The following ITGB7 variants were observed in gnomAD, a reference collection of about 807,000 sequenced individuals.
ITGB7 encodes the protein integrin subunit beta 7, also known as integrin beta-7.
Under a neutral mutation model 83.4 loss-of-function variants are expected in ITGB7, and 55 were observed. The ratio of observed to expected loss-of-function variants is 0.66; its 90% CI spans 0.53 to 0.83. The LOEUF is 0.83. ITGB7 is among the 40% of genes least tolerant of loss of function. The probability of loss-of-function intolerance (pLI) is 0.00; values close to 1 mark genes in which losing one functional copy is unlikely to be tolerated. For missense variants in ITGB7, 921 were observed against 1,046.7 expected, an observed-to-expected ratio of 0.88 and a Z score of 1.66; for synonymous variants, 454 against 423.6, an observed-to-expected ratio of 1.07 and a Z score of -0.88.
At chr12:53,195,214 A>G in intron 9 of ITGB7, 160 bp downstream of exon 9, 1 of 618,280 alleles carries the variant, frequency 1.6e-6, no homozygotes, top group Middle Eastern at 4.4e-4. Context: ...TGTAAGATTG[A>G]ACAGTTAATG....
chr12:53,195,673 T>A lies in ITGB7; in HGVS notation c.1024A>T (p.Ile342Phe). ...QVAQALSAAN[I>F]QPIFAVTSAA... ...CTGGTGACAGCAAAGATGGGCTGGA[T>A]ATTTGCTGCAGAGAGGGCCTGGGCT... The change falls in exon 8 of 16, where the codon ATC (isoleucine) becomes TTC (phenylalanine). Residue 342 changes from isoleucine (I) to phenylalanine (F), a missense_variant. By Grantham distance (21) the Ile-to-Phe change is conservative. Transcript: ENST00000267082. The A allele has an allele frequency of 6.2e-7, 1 of 1,614,054 alleles. No individual in the cohort carries two copies. Among genetic ancestry groups the A allele is most frequent in the Non-Finnish European group, 8.5e-7 (1 of 1,179,980 alleles).
chr12:53,191,775 TG>T (rs774071083), intron 15 of ITGB7, 83 bp downstream of exon 15: 3 of 1,583,584 alleles, frequency 1.9e-6, no homozygotes, highest in Non-Finnish European at 2.6e-6. Flanking sequence ...TGCCAGGGGC[TG>T]GGGGAACCCA....
rs1942149637 is a variant in ITGB7, at chr12:53,196,050, G to T, written c.966C>A (p.Ser322Arg). The T allele has an allele frequency of 1.2e-6, 2 of 1,613,948 alleles. No individual in the cohort carries two copies. The highest frequency in any genetic ancestry group is 1.7e-5 in the Admixed American group (1 of 59,998). ...GACAATAGGGACTCACAAACTCTGTGCTGCGACTGTAGAGGCCATTGCTGT... is the reference window on the plus strand; with the variant it reads ...GACAATAGGGACTCACAAACTCTGTTCTGCGACTGTAGAGGCCATTGCTGT... ...HLDSNGLYSRSTEFDYPSVGQ... is the reference protein window; with the variant it reads ...HLDSNGLYSRRTEFDYPSVGQ... Residue 322 changes from serine to arginine, a missense_variant, in exon 7 of 16, where the codon AGC becomes AGA. Physicochemically the swap from Ser to Arg is moderately radical, Grantham distance 110. Coordinates refer to ENST00000267082, the MANE Select transcript of ITGB7 (RefSeq NM_000889.3).
chr12:53,197,606 A>G lies in ITGB7; in HGVS notation c.461T>C (p.Leu154Pro). Reference protein sequence around the residue: ...FLRAEGYPVDLYYLMDLSYSM... With the variant: ...FLRAEGYPVDPYYLMDLSYSM... ...GTAGCTCAGGTCCATAAGGTAGTAC[A>G]GGTCCACCGGGTATCCCTCAGCACG... Residue 154 changes from leucine (L) to proline (P), a missense_variant, in exon 5 of 16, where the codon CTG (leucine) becomes CCG (proline). Transcript: ENST00000267082. 1 of 1,614,130 alleles carries G rather than the reference A, an allele frequency of 6.2e-7. No homozygotes were observed. The highest frequency in any genetic ancestry group is 1.3e-5 in the African/African-American group (1 of 75,048).
intron 5 of ITGB7, chr12:53,197,054 G>A (rs918273285): frequency 2.4e-5 from 14 of 579,230 alleles, no homozygotes; most frequent in African/African-American, 1.7e-4. Context: ...GGAACTTCCA[G>A]AAGGCGGAAG....
Position 53,197,587 on chromosome 12 carries a change from C to G in ITGB7, c.480G>C (p.Leu160=). Reference sequence around the variant, plus strand: ...CCAGGTCGTCCTTCATGGAGTAGCTCAGGTCCATAAGGTAGTACAGGTCCA... The same window carrying G: ...CCAGGTCGTCCTTCATGGAGTAGCTGAGGTCCATAAGGTAGTACAGGTCCA... The part of the protein sequence containing the change: ...YPVDLYYLMD[L]SYSMKDDLER... Residue 160 remains leucine, a synonymous_variant, in exon 5 of 16, where the codon CTG becomes CTC. Coordinates refer to ENST00000267082, the MANE Select transcript of ITGB7 (RefSeq NM_000889.3). The G allele has an allele frequency of 6.2e-7, 1 of 1,614,186 alleles. No homozygotes were observed. Among genetic ancestry groups the G allele is most frequent in the Non-Finnish European group, 8.5e-7 (1 of 1,180,000 alleles).
Position 53,194,070 on chromosome 12 carries a change from G to A in ITGB7, c.1308+128C>T, listed in dbSNP as rs952302236. On this transcript the variant is annotated intron_variant, in intron 10 of 15. Transcript: ENST00000267082. ...AAGCCACTCAGACTGCTCCAGGAAGGATGGATGGAGGACTACCTCAGGCTC... is the reference window on the plus strand; with the variant it reads ...AAGCCACTCAGACTGCTCCAGGAAGAATGGATGGAGGACTACCTCAGGCTC... 2.7e-5 allele frequency: 39 copies of A among 1,420,278 alleles called. No individual in the cohort carries two copies. In the Admixed American group the frequency reaches 3.8e-4, roughly 14 times the overall value. The allele number at this position is 1,420,278 out of a possible 1,614,324, so 88.0% of individuals were successfully genotyped here. A position where few individuals can be genotyped will look rare whatever the true frequency, so the allele number is the denominator to read the frequency against.
chr12:53,194,743 A>G (rs144843935), intron 9 of ITGB7: 191 of 189,414 alleles, frequency 1.0e-3, no homozygotes, highest in African/African-American at 4.1e-3. Flanking sequence ...TTTTCTTGCC[A>G]TAGGTTTAGG....
chr12:53,195,681 G>T lies in ITGB7; in HGVS notation c.1016C>A (p.Ala339Glu). The T allele has an allele frequency of 6.2e-7, 1 of 1,614,102 alleles. No homozygotes were observed. Among genetic ancestry groups the T allele is most frequent in the South Asian group, 1.1e-5 (1 of 91,084 alleles). Reference protein sequence around the residue: ...SVGQVAQALSAANIQPIFAVT... With the variant: ...SVGQVAQALSEANIQPIFAVT... ...AGCAAAGATGGGCTGGATATTTGCT[G>T]CAGAGAGGGCCTGGGCTACCTGACC... is the stretch of plus-strand genomic sequence containing the variant. Residue 339 changes from alanine (A) to glutamate (E), a missense_variant, in exon 8 of 16, where the codon GCA becomes GAA. Transcript: ENST00000267082.
Position 53,191,393 on chromosome 12 carries a change from G to C in ITGB7, c.*163C>G. 3.1e-6 allele frequency: 2 copies of C among 650,146 alleles called. No individual in the cohort carries two copies. Among genetic ancestry groups the C allele is most frequent in the Non-Finnish European group, 5.6e-6 (2 of 359,620 alleles). 40.3% of individuals were successfully genotyped at this position (650,146 alleles called of 1,614,324 possible). ...GGATGCAAGGTTGCAGGCATGGGAA[G>C]CAGCCCTCTTGGGTGTCACTCTGAA... On this transcript the variant is annotated 3_prime_UTR_variant, in exon 16 of 16. Transcript: ENST00000267082.
At chr12:53,196,901 T>G in intron 5 of ITGB7, 81 bp from the exon 6 acceptor site, 1 of 1,502,546 alleles carries the variant, frequency 6.7e-7, no homozygotes, top group South Asian at 1.3e-5. Flanking sequence ...CTATGGGAAG[T>G]GGGGTGGGGA....
At chr12:53,206,069 C>T (rs1942436991) in intron 1 of ITGB7, among the ~76,000 whole-genome samples, 1 of 152,208 alleles carries the variant, frequency 6.6e-6, no homozygotes, top group Non-Finnish European at 1.5e-5. Context: ...CTCATCTCCC[C>T]TTAAAGGGGG....
In ITGB7 at chr12:53,197,609, T is replaced by G; in HGVS notation, c.458A>C (p.Asp153Ala). ...GCTCAGGTCCATAAGGTAGTACAGG[T>G]CCACCGGGTATCCCTCAGCACGAAG... ...RFLRAEGYPV[D>A]LYYLMDLSYS... Residue 153 changes from aspartate to alanine, a missense_variant, in exon 5 of 16, where the codon GAC becomes GCC. Physicochemically the swap from Asp to Ala is moderately radical, Grantham distance 126. Coordinates refer to ENST00000267082, the MANE Select transcript of ITGB7 (RefSeq NM_000889.3). The G allele has an allele frequency of 6.2e-7, 1 of 1,614,044 alleles. No homozygotes were observed. The highest frequency in any genetic ancestry group is 8.5e-7 in the Non-Finnish European group (1 of 1,179,960).
Position 53,193,341 on chromosome 12 carries a change from G to C in ITGB7, c.1525C>G (p.Arg509Gly). 1 of 1,590,608 alleles carries C rather than the reference G, an allele frequency of 6.3e-7. No homozygotes were observed. Among genetic ancestry groups the C allele is most frequent in the Non-Finnish European group, 8.6e-7 (1 of 1,165,184 alleles). ...TCTGCCACAGAGCACTCACAGAGCC[G>C]ACCTAGGCGGCCAGGGGCACAGCTG... ...VCSCAPGRLG[R>G]LCECSVAELS... The change falls in exon 12 of 16, where the codon CGG (arginine) becomes GGG (glycine). Residue 509 changes from arginine to glycine, a missense_variant. By Grantham distance (125) the Arg-to-Gly change is moderately radical (BLOSUM62 -2). Coordinates refer to ENST00000267082, the MANE Select transcript of ITGB7 (RefSeq NM_000889.3).
intron 5 of ITGB7, 156 bp from the exon 6 acceptor site, chr12:53,196,976 A>G (rs1942183371): frequency 1.3e-6 from 1 of 770,084 alleles, no homozygotes; most frequent in Non-Finnish European, 2.1e-6. Context: ...CAAAGCAGTG[A>G]GACCACTGGC....
rs574510363 is a variant in ITGB7, at chr12:53,197,471, CG to C, written c.574+21del. The C allele has an allele frequency of 2.3e-4, 364 of 1,613,844 alleles. 3 individuals are homozygous for C. The South Asian group carries it at 3.2e-3, about 14-fold the overall frequency. ...GTTGAATAGGCAAGGGCTAACAGGG[CG>C]GGAGGCAGCGCTCGGCTCACCAATG... is the stretch of plus-strand genomic sequence containing the variant. On this transcript the variant is annotated intron_variant, in intron 5 of 15. Coordinates refer to ENST00000267082, the MANE Select transcript of ITGB7 (RefSeq NM_000889.3).
intron 12 of ITGB7, 52 bp downstream of exon 12, chr12:53,193,088 T>C: frequency 6.6e-7 from 1 of 1,504,582 alleles, no homozygotes; most frequent in Non-Finnish European, 9.1e-7. Context: ...AGAGCCTAAG[T>C]GCCTTGGGAA....
At chr12:53,205,806 G>A (rs1942429684) in intron 1 of ITGB7, among the ~76,000 whole-genome samples, 2 of 152,162 alleles carry the variant, frequency 1.3e-5, no homozygotes, top group African/African-American at 4.8e-5. Flanking sequence ...GGAAAGGGGT[G>A]GGGTGTTGAG....
In ITGB7 at chr12:53,193,385, G is replaced by C. The variant is rs751310133; in HGVS notation, c.1503-22C>G. 3 of 1,524,634 alleles carry C rather than the reference G, an allele frequency of 2.0e-6. No individual in the cohort carries two copies. The South Asian group carries it at 3.7e-5, about 19-fold the overall frequency. The allele number at this position is 1,524,634 out of a possible 1,614,324, so 94.4% of individuals were successfully genotyped here. A position where few individuals can be genotyped will look rare whatever the true frequency, so the allele number is the denominator to read the frequency against. ...ACAGCTGGAAGGGGAAGGCAAAGGA[G>C]AGAAGTAGGTCAGAGGGTTTGATCA... On this transcript the variant is annotated intron_variant, in intron 11 of 15. Transcript: ENST00000267082.
Sources: gnomAD v4.1 joint callset for allele counts (sites outside exome capture counted in the v4.1 genomes callset) on GRCh38, gnomAD v4.1.1 for gene constraint, MANE v1.5 for transcripts, NCBI Gene and HGNC (gene_info 2026-07-23, HGNC 2026-07-21) for gene names.